Variants in TSHZ2 observed in about 807,000 individuals in gnomAD.
The protein encoded by TSHZ2 is teashirt homolog 2.
TSHZ2 carries 21 observed loss-of-function variants against 74.4 expected under a neutral mutation model. The ratio of observed to expected loss-of-function variants is 0.28; its 90% CI spans 0.20 to 0.41. The LOEUF (loss-of-function observed/expected upper bound fraction) is 0.41, where lower values mean the gene tolerates loss of function less well. Among genes scored for constraint, TSHZ2 ranks in the 10% least tolerant of loss-of-function variants. The pLI, the probability that TSHZ2 is intolerant of heterozygous loss-of-function variation, is 1.00. For missense variants in TSHZ2, 1,244 were observed against 1,293.5 expected, an observed-to-expected ratio of 0.96 and a Z score of 0.59; for synonymous variants, 540 against 515.3, an observed-to-expected ratio of 1.05 and a Z score of -0.65.
At chr20:53,410,392 A>C (rs1375458236) in intron 2 of TSHZ2, among the ~76,000 whole-genome samples, 1 of 152,066 alleles carries the variant, frequency 6.6e-6, no homozygotes, top group African/African-American at 2.4e-5. Context: ...GTAAGAAAAA[A>C]CAGAGCAAAT....
chr20:52,992,306 A>T (rs1469809082), intron 1 of TSHZ2, among the ~76,000 whole-genome samples: 1 of 152,226 alleles, frequency 6.6e-6, no homozygotes, highest in Non-Finnish European at 1.5e-5. Flanking sequence ...GGCCTTTGGA[A>T]TATTTAGATA....
intron 2 of TSHZ2, among the ~76,000 whole-genome samples, chr20:53,390,290 C>T (rs1046854416): frequency 2.0e-5 from 3 of 152,180 alleles, no homozygotes; most frequent in African/African-American, 7.2e-5. Context: ...GGATGTCTCG[C>T]AGGGCCAGGG....
intron 2 of TSHZ2, among the ~76,000 whole-genome samples, chr20:53,446,549 A>C (rs1301746013): frequency 1.4e-5 from 2 of 146,846 alleles, no homozygotes; most frequent in Non-Finnish European, 3.0e-5. Context: ...ACTGCACTCC[A>C]GTCTGGGTGA....
intron 1 of TSHZ2, among the ~76,000 whole-genome samples, chr20:53,244,859 A>C (rs1021561651): frequency 1.3e-5 from 2 of 152,216 alleles, no homozygotes; most frequent in African/African-American, 4.8e-5. Flanking sequence ...CTCCTTGTAC[A>C]AGTGATTTAA....
chr20:53,357,611 T>C (rs562701537), intron 2 of TSHZ2, among the ~76,000 whole-genome samples: 1 of 152,370 alleles, frequency 6.6e-6, no homozygotes, highest in Admixed American at 6.5e-5. Context: ...TTTTAGAATT[T>C]TTTTGTGCTC....
intron 1 of TSHZ2, among the ~76,000 whole-genome samples, chr20:53,186,145 G>C (rs1184859868): frequency 6.6e-6 from 1 of 152,212 alleles, no homozygotes; most frequent in African/African-American, 2.4e-5. Context: ...TGGAAGGCTG[G>C]GGCCAGCTTG....
At chr20:53,128,607 A>G (rs1987014409) in intron 1 of TSHZ2, among the ~76,000 whole-genome samples, 1 of 151,352 alleles carries the variant, frequency 6.6e-6, no homozygotes, top group African/African-American at 2.5e-5. Context: ...TTATGTCAAT[A>G]CCCAGAGAAA....
intron 1 of TSHZ2, among the ~76,000 whole-genome samples, chr20:53,009,570 A>T (rs1982776609): frequency 6.6e-6 from 1 of 152,216 alleles, no homozygotes; most frequent in Non-Finnish European, 1.5e-5. Context: ...AGTTGACCAC[A>T]GGTAACTGAA....
chr20:53,058,115 T>C (rs568978851), intron 1 of TSHZ2, among the ~76,000 whole-genome samples: 1 of 152,140 alleles, frequency 6.6e-6, no homozygotes, highest in African/African-American at 2.4e-5. Flanking sequence ...CAATAGGGTT[T>C]AGGCCCTTGA....
intron 2 of TSHZ2, among the ~76,000 whole-genome samples, chr20:53,326,315 G>A (rs554649045): frequency 2.0e-5 from 3 of 152,184 alleles, no homozygotes; most frequent in African/African-American, 4.8e-5. Flanking sequence ...AAAGGAACTT[G>A]GAGTGCTGAG....
intron 1 of TSHZ2, among the ~76,000 whole-genome samples, chr20:53,098,412 G>A (rs560599283): frequency 2.0e-4 from 30 of 152,300 alleles, no homozygotes; most frequent in African/African-American, 7.0e-4. Context: ...GAGATTCACA[G>A]CCATTTTGTT....
intron 1 of TSHZ2, among the ~76,000 whole-genome samples, chr20:53,190,765 A>G (rs554105057): frequency 5.3e-5 from 8 of 152,232 alleles, no homozygotes; most frequent in African/African-American, 1.7e-4. Context: ...TCAAACCCAC[A>G]TTTCTTCCAG....
chr20:53,348,162 C>T (rs1379009873), intron 2 of TSHZ2, among the ~76,000 whole-genome samples: 3 of 152,158 alleles, frequency 2.0e-5, no homozygotes, highest in African/African-American at 2.4e-5. Flanking sequence ...ATACAAAAAA[C>T]ATGGGAGACA....
intron 1 of TSHZ2, among the ~76,000 whole-genome samples, chr20:53,011,022 A>C (rs1982831232): frequency 6.6e-6 from 1 of 152,222 alleles, no homozygotes; most frequent in South Asian, 2.1e-4. Context: ...AATACTTGTA[A>C]GTAATACCAA....
intron 2 of TSHZ2, among the ~76,000 whole-genome samples, chr20:53,409,315 G>A (rs758277750): frequency 1.1e-4 from 17 of 151,544 alleles, no homozygotes; most frequent in Admixed American, 2.0e-4. Context: ...ATTCTTGTTC[G>A]TCTTCCTGAA....
At chr20:53,215,517 T>G (rs1041308780) in intron 1 of TSHZ2, among the ~76,000 whole-genome samples, 2 of 150,182 alleles carry the variant, frequency 1.3e-5, no homozygotes, top group Non-Finnish European at 3.0e-5. Flanking sequence ...CATGGAGGCA[T>G]CCTAGATTTT....
chr20:53,016,927 C>T (rs545367141), intron 1 of TSHZ2, among the ~76,000 whole-genome samples: 122 of 152,134 alleles, frequency 8.0e-4, no homozygotes, highest in African/African-American at 2.8e-3. Context: ...AGGTGGGGGG[C>T]TTGCTTGTTT....
intron 1 of TSHZ2, among the ~76,000 whole-genome samples, chr20:53,173,845 G>A (rs1988260485): frequency 6.6e-6 from 1 of 152,152 alleles, no homozygotes; most frequent in Non-Finnish European, 1.5e-5. Context: ...CCAGGAAGGT[G>A]TGTGGAAGGC....
chr20:53,182,333 A>G (rs1988500796), intron 1 of TSHZ2, among the ~76,000 whole-genome samples: 1 of 151,142 alleles, frequency 6.6e-6, no homozygotes, highest in Non-Finnish European at 1.5e-5. Context: ...AATCTTCATT[A>G]TGGCTCCAGC....
Sources: allele counts gnomAD v4.1 joint callset (sites outside exome capture counted in the v4.1 genomes callset), GRCh38; gene constraint gnomAD v4.1.1; transcripts MANE v1.5; gene names NCBI Gene and HGNC (gene_info 2026-07-23, HGNC 2026-07-21).